Variants in PRTG observed in about 807,000 individuals in gnomAD.
PRTG encodes the protein immunoglobulin superfamily, DCC subclass, member 5.
PRTG carries 67 observed loss-of-function variants against 122.5 expected under a neutral mutation model. The ratio of observed to expected loss-of-function variants is 0.55; its 90% confidence interval spans 0.45 to 0.67. PRTG has a LOEUF of 0.67. Among genes scored for constraint, PRTG ranks in the 30% least tolerant of loss-of-function variants. The pLI is 0.00. For synonymous variants in PRTG, 554 were observed against 501.1 expected, an observed-to-expected ratio of 1.11 and a Z score of -1.41; for missense variants, 1,435 against 1,415.4, an observed-to-expected ratio of 1.01 and a Z score of -0.22.
intron 2 of PRTG, among the ~76,000 whole-genome samples, chr15:55,709,327 T>A (rs544691272): frequency 6.8e-5 from 10 of 146,790 alleles, no homozygotes; most frequent in Admixed American, 5.5e-4. Flanking sequence ...CAAGTTTTTT[T>A]AAAAAAAGTT....
At chr15:55,671,693 G>T (rs2141793838) in intron 11 of PRTG, among the ~76,000 whole-genome samples, 1 of 152,116 alleles carries the variant, frequency 6.6e-6, no homozygotes, top group Non-Finnish European at 1.5e-5. Context: ...TAGAGACAGG[G>T]TTTCACCATG....
chr15:55,723,914 G>C (rs1374190970), intron 2 of PRTG, among the ~76,000 whole-genome samples: 1 of 151,960 alleles, frequency 6.6e-6, no homozygotes, highest in Non-Finnish European at 1.5e-5. Context: ...ACCACACCTA[G>C]CTAATTGTTT....
chr15:55,717,660 T>C (rs1018811431), intron 2 of PRTG, among the ~76,000 whole-genome samples: 5 of 152,262 alleles, frequency 3.3e-5, no homozygotes, highest in Non-Finnish European at 5.9e-5. Context: ...TGTCCTTCTA[T>C]TACTTAATGA....
At chr15:55,624,174 C>T (rs567853784) in intron 18 of PRTG, among the ~76,000 whole-genome samples, 168 bp downstream of exon 18, 3 of 149,852 alleles carry the variant, frequency 2.0e-5, no homozygotes, top group South Asian at 2.1e-4. Context: ...CACCTTTTTC[C>T]CCCTAAATAT....
At chr15:55,642,150 C>T (rs1353809485) in intron 11 of PRTG, among the ~76,000 whole-genome samples, 4 of 131,456 alleles carry the variant, frequency 3.0e-5, no homozygotes, top group African/African-American at 6.5e-5. Flanking sequence ...GTCCGCAGTC[C>T]GGCCTGGGCG....
chr15:55,690,636 C>T (rs2059595393), intron 2 of PRTG, among the ~76,000 whole-genome samples: 1 of 151,954 alleles, frequency 6.6e-6, no homozygotes, highest in Non-Finnish European at 1.5e-5. Flanking sequence ...CGGCGTAATG[C>T]AAATATTACA....
chr15:55,716,879 C>T (rs1350013172), intron 2 of PRTG, among the ~76,000 whole-genome samples: 2 of 152,084 alleles, frequency 1.3e-5, no homozygotes, highest in African/African-American at 4.8e-5. Context: ...ATATCTTCAC[C>T]AAGCTTGATA....
intron 11 of PRTG, among the ~76,000 whole-genome samples, chr15:55,657,432 C>A (rs1218544246): frequency 6.6e-6 from 1 of 152,042 alleles, no homozygotes; most frequent in East Asian, 1.9e-4. Flanking sequence ...TTGTTTCCTC[C>A]ACTAATATCT....
At chr15:55,675,244 C>CA (rs1460133237) in intron 9 of PRTG, among the ~76,000 whole-genome samples, 2 of 151,912 alleles carry the variant, frequency 1.3e-5, no homozygotes, top group Admixed American at 6.6e-5. Context: ...CTATTCAGTA[C>CA]AAAAAAGTTT....
In PRTG at chr15:55,740,467, C is replaced by G. The variant is rs185716584; in HGVS notation, c.312G>C (p.Glu104Asp). 4.1e-3 allele frequency: 6,586 copies of G among 1,614,188 alleles called. 9 individuals are homozygous for G. The highest frequency in any genetic ancestry group is 4.8e-3 in the Non-Finnish European group (5,717 of 1,180,024). Reference sequence around the variant, plus strand: ...ACTGATAAAATCCTTCATCGGACTGCTCTCCTCGCCTGCCTTCCACCTCAC... The same window carrying G: ...ACTGATAAAATCCTTCATCGGACTGGTCTCCTCGCCTGCCTTCCACCTCAC... ...YISEVEGRRG[E>D]QSDEGFYQCL... The change falls in exon 2 of 20, where the codon GAG becomes GAC. Residue 104 changes from glutamate to aspartate, a missense_variant. Glu to Asp is a conservative substitution (Grantham distance 45). Coordinates refer to ENST00000389286, the MANE Select transcript of PRTG (RefSeq NM_173814.6).
chr15:55,643,864 AT>A (rs111433445), intron 11 of PRTG, among the ~76,000 whole-genome samples: 2,677 of 147,766 alleles, frequency 0.018, 94 homozygotes, highest in African/African-American at 0.063. Flanking sequence ...AATAATAATG[AT>A]TTTTTTTTTC....
intron 3 of PRTG, among the ~76,000 whole-genome samples, chr15:55,683,366 T>G (rs762172092): frequency 5.3e-5 from 8 of 152,058 alleles, no homozygotes; most frequent in African/African-American, 7.2e-5. Context: ...CATGTGTGCT[T>G]GTGTGTGCAT....
chr15:55,672,557 C>T lies in PRTG; in HGVS notation c.1929G>A (p.Glu643=), dbSNP rs1372071526. Residue 643 remains glutamate, a synonymous_variant, in exon 11 of 20, where the codon GAG becomes GAA. Coordinates refer to ENST00000389286, the MANE Select transcript of PRTG (RefSeq NM_173814.6). ...TISVRWQQDV[E]DTAAIQGYKL... ...TGTAGCCCTGAATAGCAGCTGTGTC[C>T]TCTACATCTTGCTGCCACCTCACAG... The T allele has an allele frequency of 1.2e-5, 20 of 1,613,850 alleles. No individual in the cohort carries two copies. The highest frequency in any genetic ancestry group is 2.7e-5 in the African/African-American group (2 of 74,892).
chr15:55,627,150 C>T (rs769833156), intron 16 of PRTG, 22 bp from the exon 17 acceptor site: 6 of 1,527,090 alleles, frequency 3.9e-6, no homozygotes, highest in African/African-American at 2.8e-5. Flanking sequence ...AACACATTTA[C>T]TCAGAATCAA....
At chr15:55,692,831 A>ATC (rs1303452830) in intron 2 of PRTG, among the ~76,000 whole-genome samples, 7 of 129,114 alleles carry the variant, frequency 5.4e-5, no homozygotes, top group South Asian at 2.6e-4. Context: ...TTTTAATGCA[A>ATC]TCTCTTTTTT....
rs1439072644 is a variant in PRTG at position 55,620,131 on chromosome 15, C to T, written c.3334G>A (p.Glu1112Lys). ...CTGCCTTCACTATTTGCTGAATGTT[C>T]TGTATCAGCTGCAACACCAAAGGGT... ...SRPFGVAADT[E>K]HSANSEGSHE... The change falls in exon 20 of 20, where the codon GAA becomes AAA. Residue 1112 changes from glutamate (E) to lysine (K), a missense_variant. Coordinates refer to ENST00000389286, the MANE Select transcript of PRTG (RefSeq NM_173814.6). The T allele has an allele frequency of 3.1e-6, 5 of 1,614,062 alleles. No homozygotes were observed. The South Asian group carries it at 4.4e-5, about 14-fold the overall frequency.
At chr15:55,730,725 G>A (rs1440556067) in intron 2 of PRTG, among the ~76,000 whole-genome samples, 8 of 152,096 alleles carry the variant, frequency 5.3e-5, no homozygotes, top group Admixed American at 1.3e-4. Flanking sequence ...GCATGCACCC[G>A]GGAGGCGGAG....
intron 11 of PRTG, among the ~76,000 whole-genome samples, chr15:55,645,253 G>A (rs1249517897): frequency 1.3e-5 from 2 of 150,052 alleles, no homozygotes; most frequent in East Asian, 3.9e-4. Context: ...GGCTAACACG[G>A]TGAAACCCCG....
At chr15:55,682,210 A>T (rs1429136381) in intron 4 of PRTG, among the ~76,000 whole-genome samples, 154 bp downstream of exon 4, 2 of 152,216 alleles carry the variant, frequency 1.3e-5, no homozygotes, top group Non-Finnish European at 2.9e-5. Context: ...ATGAAAGAAG[A>T]GTTGCTTAAT....
Sources: allele counts gnomAD v4.1 joint callset (sites outside exome capture counted in the v4.1 genomes callset), GRCh38; gene constraint gnomAD v4.1.1; transcripts MANE v1.5; gene names NCBI Gene and HGNC (gene_info 2026-07-23, HGNC 2026-07-21).